PML: variants seen among roughly 807,000 people sequenced by gnomAD.
PML encodes PML nuclear body scaffold, also known as protein PML.
A neutral mutation model predicts 65.2 loss-of-function variants in PML; 28 were observed. The ratio of observed to expected loss-of-function variants is 0.43; its 90% CI spans 0.32 to 0.59. The LOEUF (loss-of-function observed/expected upper bound fraction) is 0.59. PML is among the 20% of genes least tolerant of loss of function. The probability of loss-of-function intolerance (pLI) is 0.08; values close to 1 mark genes in which losing one functional copy is unlikely to be tolerated. For synonymous variants in PML, 500 were observed against 508.8 expected, an observed-to-expected ratio of 0.98 and a Z score of 0.23; for missense variants, 1,021 against 1,203.4, an observed-to-expected ratio of 0.85 and a Z score of 2.24.
chr15:74,018,314 C>T (rs2070685029), intron 2 of PML, among the ~76,000 whole-genome samples: 2 of 133,412 alleles, frequency 1.5e-5, no homozygotes, highest in African/African-American at 5.7e-5. Context: ...CAGAGTGAGA[C>T]TCAGTCTCAA....
At chr15:74,026,006 G>C (rs1047479300) in intron 4 of PML, 1 of 152,366 alleles carries the variant, frequency 6.6e-6, no homozygotes, top group African/African-American at 2.4e-5. Context: ...TCCTGGAAGA[G>C]ACAGGACTTA....
intron 6 of PML, chr15:74,033,724 C>A (rs988525161): frequency 1.6e-6 from 1 of 614,810 alleles, no homozygotes; most frequent in Non-Finnish European, 2.9e-6. Context: ...TGGCTGATGC[C>A]TAGCATACTC....
At position 74,047,096 on chromosome 15, in the gene PML, G is replaced by C. The variant is rs1237056557; in HGVS notation, c.*2088G>C. 1 of 230,424 alleles carries C rather than the reference G, an allele frequency of 4.3e-6. No individual in the cohort carries two copies. Among genetic ancestry groups the C allele is most frequent in the Non-Finnish European group, 8.6e-6 (1 of 116,382 alleles). 14.3% of individuals were successfully genotyped at this position (230,424 alleles called of 1,614,324 possible). ...AGAATTACTTCCTAGAGAAAGTCAG[G>C]AACTAGAGACCAGAGTCTGCAGGAA... On this transcript the variant is annotated 3_prime_UTR_variant, in exon 9 of 9. Coordinates refer to ENST00000268058, the MANE Select transcript of PML (RefSeq NM_033238.3).
At chr15:74,030,169 C>CA in intron 4 of PML, among the ~76,000 whole-genome samples, 1 of 152,168 alleles carries the variant, frequency 6.6e-6, no homozygotes, top group Non-Finnish European at 1.5e-5. Context: ...AGAAGGCCCA[C>CA]ACAGGAGGGA....
In PML at chr15:74,044,572, T is replaced by C. The variant is rs577626364; in HGVS notation, c.2213T>C (p.Met738Thr). ...GCCCAGACCTACCTGGCGAGAAACA[T>C]GAGCGAGCGCAGCGCCATGGCTGCC... Reference protein sequence around the residue: ...NLAQTYLARNMSERSAMAAVL... With the variant: ...NLAQTYLARNTSERSAMAAVL... Residue 738 changes from methionine (M) to threonine (T), a missense_variant, in exon 9 of 9, where the codon ATG becomes ACG. Coordinates refer to ENST00000268058, the MANE Select transcript of PML (RefSeq NM_033238.3). 2.5e-6 allele frequency: 4 copies of C among 1,611,724 alleles called. No individual in the cohort carries two copies. In the South Asian group the frequency reaches 3.3e-5, roughly 13 times the overall value.
chr15:74,044,420 C>T lies in PML; in HGVS notation c.2061C>T (p.Phe687=). 6.2e-7 allele frequency: 1 copy of T among 1,614,206 alleles called. No individual in the cohort carries two copies. The highest frequency in any genetic ancestry group is 8.5e-7 in the Non-Finnish European group (1 of 1,180,038). The stretch of plus-strand genomic sequence containing the variant: ...TGTGGGGGCCTGGCCTCCCAAACTT[C>T]TTCCGGGCCCTGGAGGACATTAACA... The part of the protein sequence containing the change: ...YKLWGPGLPN[F]FRALEDINRL... The change falls in exon 9 of 9, where the codon TTC becomes TTT. Residue 687 remains phenylalanine (F), a synonymous_variant. Transcript: ENST00000268058.
chr15:74,025,481 G>A (rs554265382), intron 4 of PML: 26 of 167,802 alleles, frequency 1.5e-4, no homozygotes, highest in Admixed American at 3.9e-4. Context: ...CCAGTTGCCC[G>A]GGTTCTGCTG....
At chr15:74,034,928 G>C in intron 7 of PML, 1 of 1,445,384 alleles carries the variant, frequency 6.9e-7, no homozygotes, top group Non-Finnish European at 9.0e-7. Context: ...CAGGCCACAG[G>C]GCAGCTATAT....
At chr15:74,018,193 C>T (rs1177154565) in intron 2 of PML, among the ~76,000 whole-genome samples, 1 of 151,664 alleles carries the variant, frequency 6.6e-6, no homozygotes, top group Non-Finnish European at 1.5e-5. Context: ...CATGGTGGCT[C>T]ACACCTGTAG....
rs371374866 is a variant in PML, at chr15:73,995,125, G to C, written c.129+184G>C. 5.3e-5 allele frequency among the ~76,000 whole-genome samples: 8 copies of C among 152,368 alleles called. No individual in the cohort carries two copies. The East Asian group carries it at 9.6e-4, about 18-fold the overall frequency. On this transcript the variant is annotated intron_variant, in intron 1 of 8. Transcript: ENST00000268058. ...GGCAGGGAAGGGAGGGTAGGATAGAGTAGAAAAGAGGACACGGAGGAGTTG... is the reference window on the plus strand; with the variant it reads ...GGCAGGGAAGGGAGGGTAGGATAGACTAGAAAAGAGGACACGGAGGAGTTG...
chr15:74,036,887 CCT>C (rs2071579528), intron 7 of PML: 1 of 966,768 alleles, frequency 1.0e-6, no homozygotes, highest in Admixed American at 6.2e-5. Flanking sequence ...CTCAGCCGGT[CCT>C]CTCAGACTCT....
At chr15:74,012,821 A>T (rs12594636) in intron 2 of PML, among the ~76,000 whole-genome samples, 93,718 of 131,270 alleles carry the variant, frequency 0.71, 29,013 homozygotes, top group Non-Finnish European at 0.73. Context: ...ATATTATCAA[A>T]AAGCAATTTT....
chr15:74,038,925 C>T (rs2071634408), intron 7 of PML, among the ~76,000 whole-genome samples: 1 of 152,214 alleles, frequency 6.6e-6, no homozygotes, highest in Non-Finnish European at 1.5e-5. Context: ...GTGAGTCCCC[C>T]AGGCCTGGTT....
At position 74,044,025 on chromosome 15, in the gene PML, C is replaced by T. The variant is rs533599244; in HGVS notation, c.1862-196C>T. ...GTGAACAAAGTGTTTGGAGGGCAGCCGAGCCTCCCCTTCTGACTGCTATCC... is the reference window on the plus strand; with the variant it reads ...GTGAACAAAGTGTTTGGAGGGCAGCTGAGCCTCCCCTTCTGACTGCTATCC... On this transcript the variant is annotated intron_variant, in intron 8 of 8. Coordinates refer to ENST00000268058, the MANE Select transcript of PML (RefSeq NM_033238.3). Among the ~76,000 whole-genome samples the T allele has an allele frequency of 1.4e-4, 21 of 152,174 alleles. No homozygotes were observed. The East Asian group carries it at 2.3e-3, about 17-fold the overall frequency.
intron 1 of PML, among the ~76,000 whole-genome samples, chr15:73,997,565 T>C (rs1028217401): frequency 1.3e-5 from 2 of 152,236 alleles, no homozygotes; most frequent in Non-Finnish European, 2.9e-5. Context: ...TGTACAAGTA[T>C]CTGTTTGGGC....
intron 1 of PML, among the ~76,000 whole-genome samples, chr15:73,997,128 G>A (rs901253382): frequency 2.0e-5 from 3 of 152,210 alleles, no homozygotes; most frequent in African/African-American, 7.2e-5. Context: ...CACCCCATTG[G>A]TTGCAGAAAG....
intron 2 of PML, among the ~76,000 whole-genome samples, chr15:73,999,233 C>A (rs1048762589): frequency 1.3e-5 from 2 of 152,130 alleles, no homozygotes; most frequent in African/African-American, 2.4e-5. Flanking sequence ...CTTATCAGGT[C>A]CTATTTTCCC....
intron 5 of PML, 92 bp downstream of exon 5, chr15:74,032,807 A>G (rs1019047497): frequency 7.7e-7 from 1 of 1,300,012 alleles, no homozygotes; most frequent in African/African-American, 1.5e-5. Context: ...CCAGGCCTTC[A>G]TCAGATCAGC....
At chr15:74,013,674 T>C (rs1484044049) in intron 2 of PML, among the ~76,000 whole-genome samples, 2 of 152,246 alleles carry the variant, frequency 1.3e-5, no homozygotes, top group African/African-American at 4.8e-5. Flanking sequence ...AACTCATATA[T>C]TGCTATGTTA....
Sources: allele counts gnomAD v4.1 joint callset (sites outside exome capture counted in the v4.1 genomes callset), GRCh38; gene constraint gnomAD v4.1.1; transcripts MANE v1.5; gene names NCBI Gene and HGNC (gene_info 2026-07-23, HGNC 2026-07-21).